The following ENTPD7 variants were observed in gnomAD, a reference collection of about 807,000 sequenced individuals.
ENTPD7 encodes ectonucleoside triphosphate diphosphohydrolase 7.
In ENTPD7, 53 loss-of-function variants were observed where a neutral mutation model predicts 77.9. That is an observed-to-expected ratio of 0.68 (90% CI 0.55 to 0.85). The LOEUF (loss-of-function observed/expected upper bound fraction) is 0.85. ENTPD7 is among the 40% of genes least tolerant of loss of function. The pLI, the probability that ENTPD7 is intolerant of heterozygous loss-of-function variation, is 0.00. For missense variants in ENTPD7, 636 were observed against 743.7 expected (o/e 0.86, Z 1.68); for synonymous variants, 248 against 274.9 (o/e 0.90, Z 0.97).
rs2036109688 is a variant in ENTPD7 at position 99,700,970 on chromosome 10, C to T, written c.1336-3C>T. 6.2e-7 allele frequency: 1 copy of T among 1,613,264 alleles called. No homozygotes were observed. Among genetic ancestry groups the T allele is most frequent in the Admixed American group, 1.7e-5 (1 of 59,918 alleles). ...TTGCACTATTTCTCTGTGGTTGATC[C>T]AGGATTACTGTGGCATGGCTTGGTC... On this transcript the variant is annotated splice_polypyrimidine_tract_variant and splice_region_variant and intron_variant, in intron 10 of 12. Coordinates refer to ENST00000370489, the MANE Select transcript of ENTPD7 (RefSeq NM_020354.5).
At chr10:99,704,350 TG>T (rs2036204415) in intron 12 of ENTPD7, 101 bp from the exon 13 acceptor site, 1 of 1,133,384 alleles carries the variant, frequency 8.8e-7, no homozygotes, top group African/African-American at 1.5e-5. Flanking sequence ...TTTATGTGGA[TG>T]GAATAAATGT....
rs1426634238 is a variant in ENTPD7, at chr10:99,710,802, T to TA, written c.*6120dup. 1 of 985,276 alleles carries TA rather than the reference T, an allele frequency of 1.0e-6. No homozygotes were observed. The highest frequency in any genetic ancestry group is 1.7e-5 in the African/African-American group (1 of 57,242). 61.0% of individuals were successfully genotyped at this position (985,276 alleles called of 1,614,324 possible). A position where few individuals can be genotyped will look rare whatever the true frequency, so the allele number is the denominator to read the frequency against. ...ATTGCTTTAGGGAGTTGCTAGTCAT[T>TA]ACCCCTGCTACAATAGATAGTATTT... On this transcript the variant is annotated 3_prime_UTR_variant, in exon 13 of 13. Coordinates refer to ENST00000370489, the MANE Select transcript of ENTPD7 (RefSeq NM_020354.5).
intron 3 of ENTPD7, among the ~76,000 whole-genome samples, chr10:99,662,320 A>T (rs2035497650): frequency 6.6e-6 from 1 of 151,866 alleles, no homozygotes; most frequent in Non-Finnish European, 1.5e-5. Context: ...ATGTTGGCTT[A>T]TTAGATATAA....
chr10:99,681,640 T>G (rs2035755239), intron 5 of ENTPD7, among the ~76,000 whole-genome samples: 1 of 152,190 alleles, frequency 6.6e-6, no homozygotes, highest in Non-Finnish European at 1.5e-5. Context: ...TGCACCATTT[T>G]ATATTCCCAC....
At chr10:99,668,166 C>T (rs1190290460) in intron 3 of ENTPD7, among the ~76,000 whole-genome samples, 1 of 151,978 alleles carries the variant, frequency 6.6e-6, no homozygotes, top group Non-Finnish European at 1.5e-5. Context: ...AACTCCTGGC[C>T]TCATGTGATC....
chr10:99,664,057 T>C (rs2035519418), intron 3 of ENTPD7, among the ~76,000 whole-genome samples: 1 of 152,188 alleles, frequency 6.6e-6, no homozygotes, highest in Admixed American at 6.6e-5. Flanking sequence ...TACTGTTCTA[T>C]CCAGTGAAAG....
chr10:99,659,986 C>G lies in ENTPD7; in HGVS notation c.8+22C>G, dbSNP rs369211697. Reference sequence around the variant, plus strand: ...CTAGGTAAGGCTGCACACTTTCCCTCCGGCTGGGAGCACGGCAGAGGATGG... The same window carrying G: ...CTAGGTAAGGCTGCACACTTTCCCTGCGGCTGGGAGCACGGCAGAGGATGG... On this transcript the variant is annotated intron_variant, in intron 2 of 12. Coordinates refer to ENST00000370489, the MANE Select transcript of ENTPD7 (RefSeq NM_020354.5). The surrounding 1 kb of genome is among the most constrained non-coding windows in gnomAD (Gnocchi z 4.1). 8 of 1,613,718 alleles carry G rather than the reference C, an allele frequency of 5.0e-6. No individual in the cohort carries two copies. In the African/African-American group the frequency reaches 1.1e-4, roughly 22 times the overall value.
intron 3 of ENTPD7, among the ~76,000 whole-genome samples, chr10:99,666,924 A>C (rs556796534): frequency 1.3e-5 from 2 of 152,346 alleles, no homozygotes; most frequent in African/African-American, 4.8e-5. Context: ...CATAAGTTGT[A>C]CCATTGTAAG....
intron 6 of ENTPD7, 63 bp from the exon 7 acceptor site, chr10:99,688,631 G>A: frequency 1.3e-6 from 2 of 1,488,286 alleles, no homozygotes; most frequent in Non-Finnish European, 1.9e-6. Context: ...AGCCCTAAGG[G>A]AGAGGTGTAT....
In ENTPD7 at chr10:99,698,825, C is replaced by T. The variant is rs746807230; in HGVS notation, c.1302C>T (p.Arg434=). 6.2e-7 allele frequency: 1 copy of T among 1,607,776 alleles called. No homozygotes were observed. Among genetic ancestry groups the T allele is most frequent in the South Asian group, 1.1e-5 (1 of 90,470 alleles). ...AGGATGTGTTGCGCATTGGTGGCCGCTACCATGGGCCAACATTTGCCAAGG... is the reference window on the plus strand; with the variant it reads ...AGGATGTGTTGCGCATTGGTGGCCGTTACCATGGGCCAACATTTGCCAAGG... ...CTEDVLRIGG[R]YHGPTFAKAA... is the part of the protein sequence containing the mutation. The change falls in exon 10 of 13, where the codon CGC becomes CGT. Residue 434 remains arginine, a synonymous_variant. Coordinates refer to ENST00000370489, the MANE Select transcript of ENTPD7 (RefSeq NM_020354.5).
intron 10 of ENTPD7, 109 bp downstream of exon 10, chr10:99,698,967 T>A: frequency 1.9e-6 from 2 of 1,039,240 alleles, no homozygotes; most frequent in Non-Finnish European, 2.7e-6. Flanking sequence ...ATCTCACTTG[T>A]TCTTTGCAGG....
Position 99,708,788 on chromosome 10 carries a change from G to T in ENTPD7, c.*4105G>T. The T allele has an allele frequency of 1.0e-5, 10 of 981,448 alleles. No individual in the cohort carries two copies. Among genetic ancestry groups the T allele is most frequent in the Non-Finnish European group, 1.2e-5 (10 of 826,324 alleles). 60.8% of individuals were successfully genotyped at this position (981,448 alleles called of 1,614,324 possible). A position where few individuals can be genotyped will look rare whatever the true frequency, so the allele number is the denominator to read the frequency against. Reference sequence around the variant, plus strand: ...GATAAAACTGAGGCCTAGAGCAGTTGTAATATGTGCAAAGTCATAGTGACT... The same window carrying T: ...GATAAAACTGAGGCCTAGAGCAGTTTTAATATGTGCAAAGTCATAGTGACT... On this transcript the variant is annotated 3_prime_UTR_variant, in exon 13 of 13. Coordinates refer to ENST00000370489, the MANE Select transcript of ENTPD7 (RefSeq NM_020354.5).
At chr10:99,694,855 G>A (rs962114401) in intron 8 of ENTPD7, among the ~76,000 whole-genome samples, 22 of 152,156 alleles carry the variant, frequency 1.4e-4, no homozygotes, top group African/African-American at 5.3e-4. Context: ...GGATCTCTTG[G>A]TATGTACCTT....
At chr10:99,703,764 TGA>T (rs2036191235) in intron 12 of ENTPD7, among the ~76,000 whole-genome samples, 1 of 152,208 alleles carries the variant, frequency 6.6e-6, no homozygotes, top group African/African-American at 2.4e-5. Context: ...TTGCCCAGGC[TGA>T]GTGTGGTGGC....
chr10:99,693,364 C>G (rs2035914888), intron 8 of ENTPD7, among the ~76,000 whole-genome samples: 1 of 152,154 alleles, frequency 6.6e-6, no homozygotes, highest in African/African-American at 2.4e-5. Context: ...GTGAGTTTAG[C>G]AGTCAGCAGA....
At chr10:99,693,664 T>C (rs922053550) in intron 8 of ENTPD7, among the ~76,000 whole-genome samples, 21 of 152,194 alleles carry the variant, frequency 1.4e-4, no homozygotes, top group African/African-American at 4.6e-4. Context: ...ACGCCTGTAA[T>C]CCCAGCACTT....
At chr10:99,662,127 A>G (rs912172754) in intron 3 of ENTPD7, among the ~76,000 whole-genome samples, 9 of 152,122 alleles carry the variant, frequency 5.9e-5, no homozygotes, top group Admixed American at 3.3e-4. Context: ...TTTTTATCCA[A>G]TCTGACTATC....
In ENTPD7 at chr10:99,710,141, C is replaced by A. The variant is rs774065242; in HGVS notation, c.*5458C>A. ...TGTATACCCTCTGGTGGCCACTCCT[C>A]CTTCTCCACTCCAAGGCAGCCCTGG... On this transcript the variant is annotated 3_prime_UTR_variant, in exon 13 of 13. Coordinates refer to ENST00000370489, the MANE Select transcript of ENTPD7 (RefSeq NM_020354.5). 1 of 985,318 alleles carries A rather than the reference C, an allele frequency of 1.0e-6. No individual in the cohort carries two copies. Among genetic ancestry groups the A allele is most frequent in the Non-Finnish European group, 1.2e-6 (1 of 829,944 alleles). 61.0% of individuals were successfully genotyped at this position (985,318 alleles called of 1,614,324 possible). A position where few individuals can be genotyped will look rare whatever the true frequency, so the allele number is the denominator to read the frequency against.
chr10:99,683,442 C>T (rs989752472), intron 5 of ENTPD7, among the ~76,000 whole-genome samples: 1 of 152,124 alleles, frequency 6.6e-6, no homozygotes, highest in South Asian at 2.1e-4. Flanking sequence ...TTAAAAATTA[C>T]ACCATAATAC....
Sources: gnomAD v4.1 joint callset for allele counts (sites outside exome capture counted in the v4.1 genomes callset) on GRCh38, gnomAD v4.1.1 for gene constraint, Gnocchi (gnomAD v3.1) non-coding constraint, MANE v1.5 for transcripts, NCBI Gene and HGNC (gene_info 2026-07-23, HGNC 2026-07-21) for gene names.